NDRG1: variants seen among roughly 807,000 people sequenced by gnomAD.
The protein encoded by NDRG1 is N-myc downstream regulated 1, also known as protein NDRG1.
A neutral mutation model predicts 56.9 loss-of-function variants in NDRG1; 32 were observed. The observed-to-expected ratio is 0.56, with a 90% CI of 0.42 to 0.76. NDRG1 has a LOEUF of 0.76. Ranked by LOEUF, NDRG1 falls within the 30% of genes least tolerant of loss-of-function variation. The pLI is 0.00. For synonymous variants in NDRG1, 211 were observed against 204.1 expected, an observed-to-expected ratio of 1.03 and a Z score of -0.29; for missense variants, 507 against 545.7, an observed-to-expected ratio of 0.93 and a Z score of 0.71.
intron 1 of NDRG1, among the ~76,000 whole-genome samples, chr8:133,286,158 C>T (rs1473069585): frequency 4.6e-5 from 7 of 152,222 alleles, no homozygotes; most frequent in Non-Finnish European, 7.3e-5. Context: ...GCTCCCAGCA[C>T]GAGAGACTCT....
At chr8:133,255,603 C>T (rs946734222) in intron 8 of NDRG1, 3 of 345,118 alleles carry the variant, frequency 8.7e-6, no homozygotes, top group Non-Finnish European at 1.7e-5. Flanking sequence ...AAATAAAAAA[C>T]AGGGAGTGTG....
chr8:133,248,953 G>T (rs79083346), intron 10 of NDRG1, among the ~76,000 whole-genome samples, 182 bp from the exon 11 acceptor site: 47 of 152,296 alleles, frequency 3.1e-4, no homozygotes, highest in African/African-American at 1.0e-3. Context: ...CACAGACCTG[G>T]TTAGAGGGAC....
intron 1 of NDRG1, among the ~76,000 whole-genome samples, chr8:133,290,756 T>G (rs952865092): frequency 2.0e-5 from 3 of 152,166 alleles, no homozygotes; most frequent in African/African-American, 7.2e-5. Flanking sequence ...TCTTGAACTT[T>G]TCTCCCTTCA....
At chr8:133,273,053 G>A (rs958741525) in intron 3 of NDRG1, among the ~76,000 whole-genome samples, 2 of 152,156 alleles carry the variant, frequency 1.3e-5, no homozygotes, top group Non-Finnish European at 1.5e-5. Context: ...AGCAGAACGG[G>A]AGCCAGACCT....
At chr8:133,267,864 G>C (rs1187480710) in intron 3 of NDRG1, among the ~76,000 whole-genome samples, 1 of 152,166 alleles carries the variant, frequency 6.6e-6, no homozygotes, top group African/African-American at 2.4e-5. Context: ...ACGGAGCCCA[G>C]AGCACAGCAC....
At chr8:133,288,199 C>A (rs1464422843) in intron 1 of NDRG1, 1 of 152,388 alleles carries the variant, frequency 6.6e-6, no homozygotes, top group African/African-American at 2.4e-5. Flanking sequence ...GCACTCCCCA[C>A]CACCTTCATT....
intron 2 of NDRG1, among the ~76,000 whole-genome samples, chr8:133,281,605 C>A (rs138497923): frequency 6.6e-6 from 1 of 152,124 alleles, no homozygotes; most frequent in Non-Finnish European, 1.5e-5. Flanking sequence ...GCCTCACCCA[C>A]CACAAACCCC....
chr8:133,267,793 AC>A (rs1247293964), intron 3 of NDRG1, among the ~76,000 whole-genome samples: 1 of 152,024 alleles, frequency 6.6e-6, no homozygotes, highest in Non-Finnish European at 1.5e-5. Flanking sequence ...CCAGGTCCTC[AC>A]CCCTGAGCTG....
At chr8:133,277,845 A>C (rs1857544705) in intron 3 of NDRG1, among the ~76,000 whole-genome samples, 1 of 152,174 alleles carries the variant, frequency 6.6e-6, no homozygotes, top group Admixed American at 6.5e-5. Flanking sequence ...CCACTTAACA[A>C]GCCTGGAGCA....
At chr8:133,258,685 G>T (rs950389836) in intron 6 of NDRG1, among the ~76,000 whole-genome samples, 1 of 152,222 alleles carries the variant, frequency 6.6e-6, no homozygotes, top group African/African-American at 2.4e-5. Flanking sequence ...TTACGGGAAG[G>T]CCCGTTACGG....
At chr8:133,259,484 A>G in intron 5 of NDRG1, 1 of 544,438 alleles carries the variant, frequency 1.8e-6, no homozygotes, top group Admixed American at 3.1e-5. Context: ...TAACTCTAGG[A>G]GGCTGCTAGG....
At position 133,249,140 on chromosome 8, in the gene NDRG1, T is replaced by G. The variant is rs1469504429; in HGVS notation, c.699-369A>C. 2.6e-5 allele frequency among the ~76,000 whole-genome samples: 4 copies of G among 152,290 alleles called. No individual in the cohort carries two copies. The East Asian group carries it at 7.7e-4, about 29-fold the overall frequency. ...CCACCTCCCAAATGCTCTCGCAGCC[T>G]CTTAGTTTAAGTCCCAGCCTCACCA... is the stretch of plus-strand genomic sequence containing the variant. On this transcript the variant is annotated intron_variant, in intron 10 of 15. Transcript: ENST00000323851.
intron 3 of NDRG1, among the ~76,000 whole-genome samples, chr8:133,267,130 A>G (rs560051702): frequency 6.6e-6 from 1 of 152,154 alleles, no homozygotes; most frequent in East Asian, 1.9e-4. Flanking sequence ...CTTCTGCAGA[A>G]AGGAGACAAG....
intron 13 of NDRG1, among the ~76,000 whole-genome samples, chr8:133,246,389 C>T (rs1193988121): frequency 1.3e-5 from 2 of 152,244 alleles, no homozygotes; most frequent in Non-Finnish European, 2.9e-5. Context: ...AGCCCCCAGA[C>T]CAGCAGCCTA....
intron 3 of NDRG1, among the ~76,000 whole-genome samples, chr8:133,273,529 G>C (rs1047249548): frequency 1.3e-5 from 2 of 152,222 alleles, no homozygotes; most frequent in African/African-American, 4.8e-5. Context: ...GGTTTCATGA[G>C]GATCACATGA....
At chr8:133,281,284 G>C (rs542344238) in intron 2 of NDRG1, among the ~76,000 whole-genome samples, 1 of 151,398 alleles carries the variant, frequency 6.6e-6, no homozygotes, top group South Asian at 2.1e-4. Flanking sequence ...TTGAACCCAG[G>C]AGACAGAGGT....
At chr8:133,260,711 T>C (rs1856618723) in intron 5 of NDRG1, among the ~76,000 whole-genome samples, 1 of 152,236 alleles carries the variant, frequency 6.6e-6, no homozygotes. Flanking sequence ...TACGGTTGGC[T>C]GTCCCTTCCC....
At chr8:133,288,515 C>T (rs769794400) in intron 1 of NDRG1, 11 of 152,316 alleles carry the variant, frequency 7.2e-5, no homozygotes. Flanking sequence ...TCCTCCCGGG[C>T]ACCTGAGGCC....
chr8:133,254,707 C>T lies in NDRG1; in HGVS notation c.538-112G>A, dbSNP rs1586431172. The T allele has an allele frequency of 4.8e-6, 5 of 1,033,940 alleles. No homozygotes were observed. In the East Asian group the frequency reaches 7.8e-5, roughly 16 times the overall value. The allele number at this position is 1,033,940 out of a possible 1,614,324, so 64.0% of individuals were successfully genotyped here. ...GGTGGCATTGCTGGACTCCCCCCTA[C>T]ATGCAGGCCTCAAGGACATCCCCCT... On this transcript the variant is annotated intron_variant, in intron 8 of 15. Transcript: ENST00000323851.
Sources: gnomAD v4.1 joint callset for allele counts (sites outside exome capture counted in the v4.1 genomes callset) on GRCh38, gnomAD v4.1.1 for gene constraint, MANE v1.5 for transcripts, NCBI Gene and HGNC (gene_info 2026-07-23, HGNC 2026-07-21) for gene names.